The following CTNNA3 variants were observed in gnomAD, a reference collection of about 807,000 sequenced individuals.
CTNNA3 encodes catenin alpha-3.
In CTNNA3, 76 loss-of-function variants were observed where a neutral mutation model predicts 95.7. The ratio of observed to expected loss-of-function variants is 0.79; its 90% CI spans 0.66 to 0.96. CTNNA3 has a LOEUF of 0.96. Among genes scored for constraint, CTNNA3 ranks in the 40% least tolerant of loss-of-function variants. The pLI, the probability that CTNNA3 is intolerant of heterozygous loss-of-function variation, is 0.00. For synonymous variants in CTNNA3, 431 were observed against 374.4 expected (o/e 1.15, Z -1.74); for missense variants, 1,191 against 1,089.8 (o/e 1.09, Z -1.31).
intron 7 of CTNNA3, among the ~76,000 whole-genome samples, chr10:67,109,034 T>A (rs1858790889): frequency 6.6e-6 from 1 of 152,164 alleles, no homozygotes. Flanking sequence ...TTTTTAAAAA[T>A]GTCCATTAAA....
At chr10:66,991,212 T>A (rs886939211) in intron 7 of CTNNA3, among the ~76,000 whole-genome samples, 8 of 152,208 alleles carry the variant, frequency 5.3e-5, no homozygotes, top group Non-Finnish European at 1.0e-4. Flanking sequence ...TATGCCAGGT[T>A]TTCTAAATTT....
intron 6 of CTNNA3, among the ~76,000 whole-genome samples, chr10:67,193,847 T>C (rs1863229625): frequency 7.5e-6 from 1 of 133,442 alleles, no homozygotes; most frequent in Admixed American, 6.9e-5. Flanking sequence ...TTCCTTTGGG[T>C]CAAAATGAAT....
At chr10:65,958,589 G>A (rs2077779716) in intron 17 of CTNNA3, among the ~76,000 whole-genome samples, 1 of 152,172 alleles carries the variant, frequency 6.6e-6, no homozygotes, top group South Asian at 2.1e-4. Flanking sequence ...TGTCCTTTCT[G>A]TTTGTTAGTT....
intron 5 of CTNNA3, among the ~76,000 whole-genome samples, chr10:67,289,061 A>C (rs1005051987): frequency 1.3e-5 from 2 of 152,218 alleles, no homozygotes; most frequent in Non-Finnish European, 2.9e-5. Flanking sequence ...TTTATACATT[A>C]TATACAAGTT....
At chr10:67,257,495 A>T (rs1020425995) in intron 5 of CTNNA3, among the ~76,000 whole-genome samples, 2 of 152,234 alleles carry the variant, frequency 1.3e-5, no homozygotes, top group Non-Finnish European at 2.9e-5. Context: ...GGGAAATATT[A>T]CAGTGTGATA....
intron 15 of CTNNA3, among the ~76,000 whole-genome samples, chr10:66,044,488 A>T (rs1288027495): frequency 6.6e-6 from 1 of 151,836 alleles, no homozygotes; most frequent in Admixed American, 6.6e-5. Flanking sequence ...TCCTCTCCGT[A>T]CATGACCCAC....
chr10:67,553,966 G>A (rs1372024885), intron 3 of CTNNA3, among the ~76,000 whole-genome samples: 1 of 152,104 alleles, frequency 6.6e-6, no homozygotes, highest in Non-Finnish European at 1.5e-5. Flanking sequence ...GTGTCCAAGT[G>A]TTCCCATTGT....
At chr10:67,523,585 G>A (rs1840049242) in intron 4 of CTNNA3, among the ~76,000 whole-genome samples, 1 of 152,112 alleles carries the variant, frequency 6.6e-6, no homozygotes, top group East Asian at 1.9e-4. Flanking sequence ...TGAAAACTCG[G>A]AAAACTCACT....
chr10:67,396,427 T>C (rs1211680934), intron 5 of CTNNA3, among the ~76,000 whole-genome samples: 1 of 152,142 alleles, frequency 6.6e-6, no homozygotes, highest in East Asian at 1.9e-4. Context: ...GCTATGTAAT[T>C]TGATCATGTT....
At chr10:67,010,880 T>C (rs1852280951) in intron 7 of CTNNA3, among the ~76,000 whole-genome samples, 1 of 152,202 alleles carries the variant, frequency 6.6e-6, no homozygotes. Context: ...TACTCCTTTA[T>C]GGTTAACATT....
chr10:67,672,682 T>C (rs532851519), intron 1 of CTNNA3, among the ~76,000 whole-genome samples: 11 of 152,294 alleles, frequency 7.2e-5, no homozygotes. Context: ...ATATGAGGCA[T>C]TATTTCTGAG....
At chr10:67,562,133 A>G (rs911810041) in intron 3 of CTNNA3, among the ~76,000 whole-genome samples, 4 of 152,212 alleles carry the variant, frequency 2.6e-5, no homozygotes, top group African/African-American at 9.7e-5. Flanking sequence ...TCCCTAACTC[A>G]TTTTATGAGG....
intron 5 of CTNNA3, among the ~76,000 whole-genome samples, chr10:67,391,230 C>CA (rs1412775408): frequency 6.6e-6 from 1 of 151,914 alleles, no homozygotes; most frequent in Non-Finnish European, 1.5e-5. Context: ...AATCAATGTA[C>CA]AAAAATCACA....
rs568740115 is a variant in CTNNA3, at chr10:66,292,223, A to G, written c.1733-11602T>C. Among the ~76,000 whole-genome samples the G allele has an allele frequency of 8.7e-4, 133 of 152,062 alleles. 1 individual carries two copies. Among genetic ancestry groups the G allele is most frequent in the African/African-American group, 3.1e-3 (130 of 41,500 alleles). ...CCCACTCTCCATGTTCAATCAATCA[A>G]TCACTATGTCCTGCTGATTCGGCCT... On this transcript the variant is annotated intron_variant, in intron 12 of 17. Coordinates refer to ENST00000433211, the MANE Select transcript of CTNNA3 (RefSeq NM_013266.4).
rs138319843 is a variant in CTNNA3 at position 66,668,484 on chromosome 10, T to TA, written c.1282-46701dup. On this transcript the variant is annotated intron_variant, in intron 9 of 17. Coordinates refer to ENST00000433211, the MANE Select transcript of CTNNA3 (RefSeq NM_013266.4). The stretch of plus-strand genomic sequence containing the variant: ...ATACACATCCACATATATACATACA[T>TA]ACACATATATATTCAAAGATATATA... 5.9e-3 allele frequency among the ~76,000 whole-genome samples: 896 copies of TA among 151,170 alleles called. 9 individuals carry two copies. Among genetic ancestry groups the TA allele is most frequent in the African/African-American group, 0.021 (848 of 41,250 alleles).
intron 6 of CTNNA3, among the ~76,000 whole-genome samples, chr10:67,192,716 C>T (rs1863175080): frequency 1.3e-5 from 2 of 151,704 alleles, no homozygotes; most frequent in South Asian, 4.1e-4. Flanking sequence ...ATTAAAAATA[C>T]AACTACCAAA....
chr10:67,230,296 T>C (rs1239183115), intron 5 of CTNNA3, among the ~76,000 whole-genome samples: 2 of 152,142 alleles, frequency 1.3e-5, no homozygotes, highest in Non-Finnish European at 2.9e-5. Context: ...TGAATCCTCA[T>C]CTCTCACCTT....
chr10:67,301,986 A>C lies in CTNNA3; in HGVS notation c.580-82116T>G, dbSNP rs113085456. ...TCGTCAAGAAAGAAAAAAGAAAGAAAGAAAGAACGAAAGAACGAAAGAAAG... is the reference window on the plus strand; with the variant it reads ...TCGTCAAGAAAGAAAAAAGAAAGAACGAAAGAACGAAAGAACGAAAGAAAG... On this transcript the variant is annotated intron_variant, in intron 5 of 17. Coordinates refer to ENST00000433211, the MANE Select transcript of CTNNA3 (RefSeq NM_013266.4). Among the ~76,000 whole-genome samples, 523 of 86,914 alleles carry C rather than the reference A, an allele frequency of 6.0e-3. 86 individuals carry two copies. The highest frequency in any genetic ancestry group is 0.029 in the African/African-American group (302 of 10,334). 57.0% of individuals were successfully genotyped at this position (86,914 alleles called of 152,430 possible). A position where few individuals can be genotyped will look rare whatever the true frequency, so the allele number is the denominator to read the frequency against.
chr10:66,054,176 C>T (rs1219478766), intron 15 of CTNNA3, among the ~76,000 whole-genome samples: 4 of 152,104 alleles, frequency 2.6e-5, no homozygotes, highest in Non-Finnish European at 5.9e-5. Flanking sequence ...GTGAATAATG[C>T]TGCAATAAAA....
Sources: allele counts gnomAD v4.1 joint callset (sites outside exome capture counted in the v4.1 genomes callset), GRCh38; gene constraint gnomAD v4.1.1; transcripts MANE v1.5; gene names NCBI Gene and HGNC (gene_info 2026-07-23, HGNC 2026-07-21).